Variants in SPTBN1 observed in about 807,000 individuals in gnomAD.
The protein encoded by SPTBN1 is spectrin beta chain, non-erythrocytic 1.
In SPTBN1, 32 loss-of-function variants were observed where a neutral mutation model predicts 266.4. That is an observed-to-expected ratio of 0.12 (90% CI 0.09 to 0.16). The LOEUF is 0.16. Ranked by LOEUF, SPTBN1 falls within the 10% of genes least tolerant of loss-of-function variation. The probability of loss-of-function intolerance (pLI) is 1.00; values close to 1 mark genes in which losing one functional copy is unlikely to be tolerated. For synonymous variants in SPTBN1, 1,336 were observed against 1,162.2 expected (o/e 1.15, Z -3.04); for missense variants, 2,296 against 3,067.1 (o/e 0.75, Z 5.94).
Position 54,578,749 on chromosome 2 carries a change from G to GGTGTGT in SPTBN1, c.149-20319_149-20314dup, listed in dbSNP as rs34536803. ...GGCCTAGGCAAGTGTCTTCTGATGG[G>GGTGTGT]GTGTGTGTGTGTGTGTGTGTGTGTG... On this transcript the variant is annotated intron_variant, in intron 2 of 35. Coordinates refer to ENST00000356805, the MANE Select transcript of SPTBN1 (RefSeq NM_003128.3). 9.0e-3 allele frequency among the ~76,000 whole-genome samples: 1,333 copies of GGTGTGT among 147,620 alleles called. 18 individuals are homozygous for GGTGTGT. Among genetic ancestry groups the GGTGTGT allele is most frequent in the African/African-American group, 0.023 (922 of 40,286 alleles).
intron 1 of SPTBN1, among the ~76,000 whole-genome samples, chr2:54,504,357 C>T (rs1213103897): frequency 6.6e-6 from 1 of 152,150 alleles, no homozygotes; most frequent in African/African-American, 2.4e-5. Flanking sequence ...AAATCCTAGA[C>T]TTAAGGATAT....
intron 1 of SPTBN1, chr2:54,457,153 G>GCCGC (rs1553425455): frequency 6.0e-5 from 3 of 49,690 alleles, no homozygotes; most frequent in African/African-American, 2.8e-4. Context: ...TCGTGCGCCC[G>GCCGC]CCCCCCCCCC....
intron 1 of SPTBN1, among the ~76,000 whole-genome samples, chr2:54,456,940 C>G (rs1244651370): frequency 6.6e-6 from 1 of 151,476 alleles, no homozygotes. Context: ...GAGCGGACAG[C>G]GGACAGCCGG....
At chr2:54,509,226 T>A (rs369980519) in intron 1 of SPTBN1, among the ~76,000 whole-genome samples, 6 of 151,990 alleles carry the variant, frequency 3.9e-5, no homozygotes, top group African/African-American at 1.2e-4. Context: ...AGGGAGTGAA[T>A]GTCATGTGGA....
At chr2:54,465,681 G>T (rs1396858138) in intron 1 of SPTBN1, among the ~76,000 whole-genome samples, 1 of 110,024 alleles carries the variant, frequency 9.1e-6, no homozygotes, top group African/African-American at 3.3e-5. Context: ...TCACACATGG[G>T]AGAGAGAGGT....
intron 1 of SPTBN1, among the ~76,000 whole-genome samples, chr2:54,502,116 T>A (rs1272269592): frequency 1.3e-5 from 2 of 152,164 alleles, no homozygotes; most frequent in Non-Finnish European, 2.9e-5. Flanking sequence ...AATTCACTCA[T>A]TCCTTTCCCC....
intron 1 of SPTBN1, among the ~76,000 whole-genome samples, chr2:54,517,795 G>A (rs533386049): frequency 2.0e-5 from 3 of 152,018 alleles, no homozygotes; most frequent in African/African-American, 4.8e-5. Flanking sequence ...ATAGGCGCCC[G>A]CCACCTCGCC....
In SPTBN1 at chr2:54,626,636, C is replaced by A. The variant is rs1273492507; in HGVS notation, c.1644+402C>A. ...GGGGAGAAGGGAGGAGTGGTAGGTG[C>A]CATGGACAGAGGAGAGGTCAGGAAC... On this transcript the variant is annotated intron_variant, in intron 12 of 35. Transcript: ENST00000356805. This position sits in a 1 kb window ranked among gnomAD's most constrained non-coding sequence, Gnocchi z 4.7. Among the ~76,000 whole-genome samples, 11 of 152,110 alleles carry A rather than the reference C, an allele frequency of 7.2e-5. No homozygotes were observed. The highest frequency in any genetic ancestry group is 3.9e-4 in the Admixed American group (6 of 15,284).
intron 2 of SPTBN1, among the ~76,000 whole-genome samples, chr2:54,580,923 C>A (rs1674851152): frequency 6.6e-6 from 1 of 151,936 alleles, no homozygotes; most frequent in Admixed American, 6.6e-5. Context: ...CATGTTGAAA[C>A]CCTGTCTCTA....
intron 1 of SPTBN1, among the ~76,000 whole-genome samples, chr2:54,523,496 A>G (rs1482428749): frequency 2.6e-5 from 4 of 152,202 alleles, no homozygotes; most frequent in African/African-American, 7.2e-5. Flanking sequence ...GAAAACAGCC[A>G]TGACAAAAGA....
At chr2:54,538,452 C>G (rs1417724279) in intron 2 of SPTBN1, among the ~76,000 whole-genome samples, 1 of 152,172 alleles carries the variant, frequency 6.6e-6, no homozygotes, top group East Asian at 1.9e-4. Context: ...TCACATGTAA[C>G]CTCTTTTGGG....
chr2:54,556,917 G>T (rs1291215078), intron 2 of SPTBN1, among the ~76,000 whole-genome samples: 1 of 152,152 alleles, frequency 6.6e-6, no homozygotes, highest in Non-Finnish European at 1.5e-5. Flanking sequence ...TAGCAACTCA[G>T]GTCTTGGGAA....
At chr2:54,487,832 C>CTTTTGTTTTTTTTTTTTTTTTTTTTTTT (rs1668486425) in intron 1 of SPTBN1, among the ~76,000 whole-genome samples, 1 of 68,644 alleles carries the variant, frequency 1.5e-5, no homozygotes, top group Non-Finnish European at 2.6e-5. Context: ...CCTCCTGTGT[C>CTTTTGTTTTTTTTTTTTTTTTTTTTTTT]TTTTTTTTTT....
chr2:54,632,658 C>T lies in SPTBN1; in HGVS notation c.3657C>T (p.Asp1219=), dbSNP rs567753600. The part of the protein sequence containing the change: ...KKQEDFMTTM[D]ANEEKINAVV... ...AAGAGGACTTCATGACCACCATGGA[C>T]GCCAATGAGGAGAAGATCAATGCTG... The change falls in exon 17 of 36, where the codon GAC becomes GAT. Residue 1219 remains aspartate (D), a synonymous_variant. Transcript: ENST00000356805. 8 of 1,614,160 alleles carry T rather than the reference C, an allele frequency of 5.0e-6. No homozygotes were observed. The highest frequency in any genetic ancestry group is 1.1e-5 in the South Asian group (1 of 91,084).
chr2:54,472,440 C>T (rs541976053), intron 1 of SPTBN1, among the ~76,000 whole-genome samples: 2 of 152,268 alleles, frequency 1.3e-5, no homozygotes, highest in African/African-American at 4.8e-5. Flanking sequence ...GCATTGGTTA[C>T]TTTGCTGTGG....
chr2:54,648,861 C>A, intron 24 of SPTBN1, 125 bp from the exon 25 acceptor site: 1 of 954,852 alleles, frequency 1.0e-6, no homozygotes, highest in Non-Finnish European at 1.5e-6. Flanking sequence ...GTGGGTTAAC[C>A]AGAGTTTCCT....
intron 2 of SPTBN1, among the ~76,000 whole-genome samples, chr2:54,594,721 T>C (rs1310983565): frequency 6.6e-6 from 1 of 152,140 alleles, no homozygotes; most frequent in East Asian, 1.9e-4. Flanking sequence ...GATTTTTAAA[T>C]AGCTGGCCCA....
chr2:54,645,909 TA>T lies in SPTBN1; in HGVS notation c.4495-18del, dbSNP rs1312373083. ...GTTCCTCTGAGTGGATCTGACCACT[TA>T]TTTAAAATTCTTCCCAGTTGTGGGT... On this transcript the variant is annotated intron_variant, in intron 21 of 35. Transcript: ENST00000356805. This position sits in a 1 kb window ranked among gnomAD's most constrained non-coding sequence, Gnocchi z 4.3. The T allele has an allele frequency of 6.2e-7, 1 of 1,613,824 alleles. No homozygotes were observed. The highest frequency in any genetic ancestry group is 1.3e-5 in the African/African-American group (1 of 74,944).
At chr2:54,507,492 C>T (rs752188316) in intron 1 of SPTBN1, among the ~76,000 whole-genome samples, 3 of 151,808 alleles carry the variant, frequency 2.0e-5, no homozygotes, top group Admixed American at 6.6e-5. Context: ...TGATAATTGT[C>T]GGGTTGTTAG....
Sources: allele counts gnomAD v4.1 joint callset (sites outside exome capture counted in the v4.1 genomes callset), GRCh38; gene constraint gnomAD v4.1.1; non-coding constraint Gnocchi (gnomAD v3.1); transcripts MANE v1.5; gene names NCBI Gene and HGNC (gene_info 2026-07-23, HGNC 2026-07-21).